ACTN1: variants seen among roughly 807,000 people sequenced by gnomAD.
The protein encoded by ACTN1 is alpha-actinin-1.
Under a neutral mutation model 119.6 loss-of-function variants are expected in ACTN1, and 30 were observed. The observed-to-expected ratio is 0.25, with a 90% CI of 0.19 to 0.34. The LOEUF (loss-of-function observed/expected upper bound fraction) is 0.34, where lower values mean the gene tolerates loss of function less well. Among genes scored for constraint, ACTN1 ranks in the 10% least tolerant of loss-of-function variants. ACTN1 has a pLI of 1.00. For missense variants in ACTN1, 764 were observed against 1,223.4 expected (o/e 0.62, Z 5.60); for synonymous variants, 429 against 472.6 (o/e 0.91, Z 1.20).
chr14:68,874,501 A>C lies in ACTN1; in HGVS notation c.*358T>G, dbSNP rs2030611936. ...ACAGATAGAAGAAAAAAAAATCAGT[A>C]AAAAGGATGGAATATAACTTTGTGC... On this transcript the variant is annotated 3_prime_UTR_variant, in exon 22 of 22. Transcript: ENST00000394419. 5.7e-6 allele frequency: 1 copy of C among 175,290 alleles called. No individual in the cohort carries two copies. Among genetic ancestry groups the C allele is most frequent in the African/African-American group, 2.4e-5 (1 of 42,374 alleles). 10.9% of individuals were successfully genotyped at this position (175,290 alleles called of 1,614,324 possible).
chr14:68,968,576 C>T (rs922051440), intron 1 of ACTN1, among the ~76,000 whole-genome samples: 77 of 152,182 alleles, frequency 5.1e-4, no homozygotes, highest in African/African-American at 1.8e-3. Context: ...CGGTTAACTC[C>T]GGTGAGGGAA....
intron 4 of ACTN1, among the ~76,000 whole-genome samples, chr14:68,911,452 CAG>C (rs1432837805): frequency 1.3e-5 from 2 of 152,182 alleles, no homozygotes; most frequent in African/African-American, 2.4e-5. Flanking sequence ...TGCTGCATCA[CAG>C]AGTGTCACAC....
At chr14:68,924,395 G>C (rs2034810920) in intron 2 of ACTN1, among the ~76,000 whole-genome samples, 1 of 152,214 alleles carries the variant, frequency 6.6e-6, no homozygotes, top group Non-Finnish European at 1.5e-5. Context: ...ATGTCATCTG[G>C]GGAGAGCTGC....
intron 1 of ACTN1, among the ~76,000 whole-genome samples, chr14:68,933,396 A>C (rs1287690784): frequency 6.6e-6 from 1 of 152,032 alleles, no homozygotes; most frequent in Non-Finnish European, 1.5e-5. Flanking sequence ...TCAGCCTCCC[A>C]AAGTGCTGGG....
At chr14:68,912,031 G>T in intron 4 of ACTN1, 125 bp downstream of exon 4, 1 of 772,278 alleles carries the variant, frequency 1.3e-6, no homozygotes, top group Non-Finnish European at 2.2e-6. Flanking sequence ...CCCAATAAAT[G>T]AGCAAGAAGC....
chr14:68,895,535 G>A (rs1011908488), intron 8 of ACTN1, among the ~76,000 whole-genome samples: 4 of 152,132 alleles, frequency 2.6e-5, no homozygotes, highest in Admixed American at 6.5e-5. Context: ...GCTGGGGCAG[G>A]GGGCTGCAGA....
chr14:68,917,818 C>A (rs2034392804), intron 3 of ACTN1, among the ~76,000 whole-genome samples: 1 of 152,204 alleles, frequency 6.6e-6, no homozygotes, highest in Admixed American at 6.5e-5. Context: ...GTAATCCCAG[C>A]ACTTTGGGAG....
intron 8 of ACTN1, among the ~76,000 whole-genome samples, chr14:68,899,457 C>T (rs941533095): frequency 1.4e-5 from 2 of 145,970 alleles, no homozygotes; most frequent in African/African-American, 2.6e-5. Context: ...CCTTACACAC[C>T]ACACTCCACA....
Position 68,904,647 on chromosome 14 carries a change from C to T in ACTN1, c.676+8G>A, listed in dbSNP as rs1284140893. On this transcript the variant is annotated splice_region_variant and intron_variant, in intron 7 of 21. Coordinates refer to ENST00000394419, the MANE Select transcript of ACTN1 (RefSeq NM_001130004.2). ...GGGCAAGAGACACAGAAGGAAAGCG[C>T]CTTTCACCTTCGGCATCCAGCATCT... 6.2e-7 allele frequency: 1 copy of T among 1,613,608 alleles called. No individual in the cohort carries two copies. Among genetic ancestry groups the T allele is most frequent in the Admixed American group, 1.7e-5 (1 of 60,016 alleles).
At chr14:68,972,921 C>T (rs959256225) in intron 1 of ACTN1, among the ~76,000 whole-genome samples, 5 of 151,634 alleles carry the variant, frequency 3.3e-5, no homozygotes, top group African/African-American at 4.8e-5. Flanking sequence ...TCAAAAAGGG[C>T]GAGCCACTAT....
intron 1 of ACTN1, chr14:68,978,507 C>A (rs1421356010): frequency 6.5e-6 from 2 of 307,308 alleles, no homozygotes; most frequent in Non-Finnish European, 6.3e-6. Context: ...CAGGGCGGCC[C>A]AGGAAGCGGC....
At chr14:68,972,870 ATGTAGAGT>A (rs1290400990) in intron 1 of ACTN1, among the ~76,000 whole-genome samples, 1 of 152,236 alleles carries the variant, frequency 6.6e-6, no homozygotes, top group Non-Finnish European at 1.5e-5. Flanking sequence ...GTGCTCATGC[ATGTAGAGT>A]CCTTAGGACA....
In ACTN1 at chr14:68,878,135, C is replaced by A; in HGVS notation, c.2427+323G>T. On this transcript the variant is annotated intron_variant, in intron 20 of 21. Coordinates refer to ENST00000394419, the MANE Select transcript of ACTN1 (RefSeq NM_001130004.2). This position sits in a 1 kb window ranked among gnomAD's most constrained non-coding sequence, Gnocchi z 4.4. ...CCATGTGAGGTGACGCATGCCAGCC[C>A]GAAACCTGGGATGTCCCACACCACC... The A allele has an allele frequency of 3.6e-6, 1 of 274,848 alleles. No individual in the cohort carries two copies. Among genetic ancestry groups the A allele is most frequent in the Non-Finnish European group, 6.9e-6 (1 of 145,610 alleles). The allele number at this position is 274,848 out of a possible 1,614,324, so 17.0% of individuals were successfully genotyped here.
intron 1 of ACTN1, among the ~76,000 whole-genome samples, chr14:68,952,107 A>G (rs1489812675): frequency 2.0e-5 from 3 of 152,254 alleles, no homozygotes; most frequent in Admixed American, 6.5e-5. Context: ...GGTCTGGTTC[A>G]GTCTCCAGCT....
intron 11 of ACTN1, chr14:68,887,505 G>C: frequency 8.3e-7 from 1 of 1,205,342 alleles, no homozygotes; most frequent in Non-Finnish European, 1.1e-6. Context: ...CCCATCTATG[G>C]AATGTTAAGC....
At chr14:68,881,939 T>TG (rs2031560530) in intron 16 of ACTN1, among the ~76,000 whole-genome samples, 1 of 87,088 alleles carries the variant, frequency 1.1e-5, no homozygotes, top group Non-Finnish European at 2.0e-5. Flanking sequence ...GCAGCTTCTT[T>TG]TTTTTTTTTT....
intron 8 of ACTN1, among the ~76,000 whole-genome samples, chr14:68,896,857 G>A (rs551809058): frequency 1.9e-4 from 29 of 152,376 alleles, no homozygotes; most frequent in African/African-American, 6.5e-4. Context: ...AGATGTAACA[G>A]ATAATTGATG....
intron 7 of ACTN1, among the ~76,000 whole-genome samples, chr14:68,903,469 G>A (rs1246626515): frequency 1.3e-5 from 2 of 151,802 alleles, no homozygotes; most frequent in African/African-American, 4.8e-5. Context: ...CCCAGGAGGC[G>A]GAGGTTGCAG....
intron 21 of ACTN1, among the ~76,000 whole-genome samples, chr14:68,875,988 GCTAA>G: frequency 6.6e-6 from 1 of 152,084 alleles, no homozygotes; most frequent in East Asian, 1.9e-4. Flanking sequence ...CTTTTGCTTC[GCTAA>G]CTGATTCTTT....
Sources: allele counts gnomAD v4.1 joint callset (sites outside exome capture counted in the v4.1 genomes callset), GRCh38; gene constraint gnomAD v4.1.1; non-coding constraint Gnocchi (gnomAD v3.1); transcripts MANE v1.5; gene names NCBI Gene and HGNC (gene_info 2026-07-23, HGNC 2026-07-21).